CNTNAP5: variants seen among roughly 807,000 people sequenced by gnomAD.
CNTNAP5 encodes contactin associated protein family member 5.
Under a neutral mutation model 150.2 loss-of-function variants are expected in CNTNAP5, and 72 were observed. The ratio of observed to expected loss-of-function variants is 0.48; its 90% confidence interval spans 0.40 to 0.58. The LOEUF (loss-of-function observed/expected upper bound fraction) is 0.58. Among genes scored for constraint, CNTNAP5 ranks in the 20% least tolerant of loss-of-function variants. The pLI, the probability that CNTNAP5 is intolerant of heterozygous loss-of-function variation, is 0.00. For synonymous variants in CNTNAP5, 672 were observed against 619.8 expected, an observed-to-expected ratio of 1.08 and a Z score of -1.25; for missense variants, 1,636 against 1,626.2, an observed-to-expected ratio of 1.01 and a Z score of -0.10.
chr2:124,369,220 G>A (rs1690455308), intron 3 of CNTNAP5, among the ~76,000 whole-genome samples: 1 of 152,092 alleles, frequency 6.6e-6, no homozygotes, highest in Non-Finnish European at 1.5e-5. Flanking sequence ...GCTTATAATT[G>A]CAGAGTCTTT....
At chr2:124,280,605 G>C (rs997507835) in intron 3 of CNTNAP5, among the ~76,000 whole-genome samples, 1 of 152,076 alleles carries the variant, frequency 6.6e-6, no homozygotes, top group Non-Finnish European at 1.5e-5. Flanking sequence ...ACAGCAAAAC[G>C]TTGAGCATTG....
intron 1 of CNTNAP5, among the ~76,000 whole-genome samples, chr2:124,058,251 T>C (rs887490186): frequency 6.6e-6 from 1 of 152,138 alleles, no homozygotes; most frequent in Non-Finnish European, 1.5e-5. Context: ...CAAAATTTTA[T>C]GGAATGTTAT....
chr2:124,403,756 C>T lies in CNTNAP5; in HGVS notation c.382-13687C>T, dbSNP rs182886390. Among the ~76,000 whole-genome samples the T allele has an allele frequency of 1.6e-3, 238 of 152,188 alleles. 1 individual carries two copies. Among genetic ancestry groups the T allele is most frequent in the Admixed American group, 4.0e-3 (61 of 15,280 alleles). ...CTCATGCTGCTAATAAAGACATACC[C>T]GAGACTGGGTAATTTATAAAAGAAG... On this transcript the variant is annotated intron_variant, in intron 3 of 23. Coordinates refer to ENST00000682447, the MANE Select transcript of CNTNAP5 (RefSeq NM_001367498.1).
intron 6 of CNTNAP5, among the ~76,000 whole-genome samples, chr2:124,465,687 G>GC (rs1693360373): frequency 6.6e-6 from 1 of 152,088 alleles, no homozygotes; most frequent in East Asian, 1.9e-4. Context: ...GTTTCTTTCA[G>GC]CATCTACTGT....
chr2:124,207,941 T>C (rs577649027), intron 1 of CNTNAP5, among the ~76,000 whole-genome samples: 17 of 152,330 alleles, frequency 1.1e-4, no homozygotes, highest in Admixed American at 7.2e-4. Context: ...TATAGCATTT[T>C]ATGTCTTCAT....
chr2:124,128,604 A>G (rs1558767114), intron 1 of CNTNAP5, among the ~76,000 whole-genome samples: 1 of 152,194 alleles, frequency 6.6e-6, no homozygotes, highest in Non-Finnish European at 1.5e-5. Flanking sequence ...ATAAAGACAC[A>G]TGCACACGTA....
chr2:124,660,191 G>C (rs1678557390), intron 13 of CNTNAP5, among the ~76,000 whole-genome samples: 1 of 152,128 alleles, frequency 6.6e-6, no homozygotes, highest in Non-Finnish European at 1.5e-5. Flanking sequence ...ATTTGAACTG[G>C]AGAAGGTTAA....
At chr2:124,185,616 C>T (rs1685315974) in intron 1 of CNTNAP5, among the ~76,000 whole-genome samples, 1 of 152,146 alleles carries the variant, frequency 6.6e-6, no homozygotes, top group Admixed American at 6.5e-5. Context: ...ATGCTTTATT[C>T]ATCTCCCAAA....
chr2:124,786,790 C>A (rs975175922), intron 17 of CNTNAP5, among the ~76,000 whole-genome samples: 1 of 151,984 alleles, frequency 6.6e-6, no homozygotes, highest in African/African-American at 2.4e-5. Flanking sequence ...AAGATTCATG[C>A]CTCCAATAAC....
At chr2:124,273,713 C>G (rs910023427) in intron 3 of CNTNAP5, among the ~76,000 whole-genome samples, 1 of 152,194 alleles carries the variant, frequency 6.6e-6, no homozygotes, top group African/African-American at 2.4e-5. Flanking sequence ...GTCTCCCCAA[C>G]AAAGTCCAGA....
At chr2:124,667,808 G>A (rs1188402798) in intron 13 of CNTNAP5, among the ~76,000 whole-genome samples, 2 of 152,136 alleles carry the variant, frequency 1.3e-5, no homozygotes, top group Non-Finnish European at 2.9e-5. Context: ...CTTTGTTGAT[G>A]AAAGAGAAAA....
At chr2:124,852,870 A>G (rs1274000225) in intron 19 of CNTNAP5, among the ~76,000 whole-genome samples, 1 of 152,198 alleles carries the variant, frequency 6.6e-6, no homozygotes, top group African/African-American at 2.4e-5. Context: ...CAAGAAAATG[A>G]AACAAAAGAA....
intron 16 of CNTNAP5, among the ~76,000 whole-genome samples, 191 bp from the exon 17 acceptor site, chr2:124,772,608 A>G (rs1222465995): frequency 6.6e-6 from 1 of 152,212 alleles, no homozygotes. Flanking sequence ...CAGGAAAAAA[A>G]CAACTTGGAA....
intron 3 of CNTNAP5, among the ~76,000 whole-genome samples, chr2:124,382,275 T>A (rs1690815801): frequency 6.6e-6 from 1 of 151,792 alleles, no homozygotes; most frequent in African/African-American, 2.4e-5. Context: ...CAGAGAGAGG[T>A]GGCTTTGTGG....
chr2:124,157,789 A>G (rs1034858952), intron 1 of CNTNAP5, among the ~76,000 whole-genome samples: 1 of 152,046 alleles, frequency 6.6e-6, no homozygotes, highest in Non-Finnish European at 1.5e-5. Context: ...CCCTTCTTCC[A>G]CCCAACTGTG....
chr2:124,665,880 C>T (rs559431946), intron 13 of CNTNAP5, among the ~76,000 whole-genome samples: 4 of 112,086 alleles, frequency 3.6e-5, no homozygotes, highest in East Asian at 2.0e-4. Context: ...AGCAAGACTC[C>T]GTCTCAAAAA....
intron 1 of CNTNAP5, among the ~76,000 whole-genome samples, chr2:124,214,473 A>T (rs1486701540): frequency 6.6e-6 from 1 of 152,126 alleles, no homozygotes; most frequent in African/African-American, 2.4e-5. Context: ...TGAATTTGCG[A>T]TAATTACTTT....
intron 1 of CNTNAP5, among the ~76,000 whole-genome samples, chr2:124,058,428 C>G (rs1001715322): frequency 6.6e-6 from 1 of 152,082 alleles, no homozygotes; most frequent in Admixed American, 6.5e-5. Flanking sequence ...ACTTGTTTAT[C>G]CTTCTAAGAA....
intron 13 of CNTNAP5, among the ~76,000 whole-genome samples, chr2:124,706,795 A>AAGAAGAAGAAGAAGAAGAAGGAGG (rs1553433527): frequency 5.3e-5 from 1 of 18,876 alleles, no homozygotes; most frequent in African/African-American, 2.0e-4. Context: ...GAAGAAGAAG[A>AAGAAGAAGAAGAAGAAGAAGGAGG]AGGAGGAGGA....
Sources: allele counts gnomAD v4.1 joint callset (sites outside exome capture counted in the v4.1 genomes callset), GRCh38; gene constraint gnomAD v4.1.1; transcripts MANE v1.5; gene names NCBI Gene and HGNC (gene_info 2026-07-23, HGNC 2026-07-21).